ADCY8: variants seen among roughly 807,000 people sequenced by gnomAD.
ADCY8 encodes adenylate cyclase 8.
A neutral mutation model predicts 119.7 loss-of-function variants in ADCY8; 51 were observed. The observed-to-expected ratio is 0.43, with a 90% CI of 0.34 to 0.54. The LOEUF (loss-of-function observed/expected upper bound fraction) is 0.54. Among genes scored for constraint, ADCY8 ranks in the 20% least tolerant of loss-of-function variants. The probability of loss-of-function intolerance (pLI) is 0.03; values close to 1 mark genes in which losing one functional copy is unlikely to be tolerated. For missense variants in ADCY8, 1,383 were observed against 1,598.8 expected, an observed-to-expected ratio of 0.87 and a Z score of 2.30; for synonymous variants, 665 against 651.0, an observed-to-expected ratio of 1.02 and a Z score of -0.33.
At chr8:130,806,045 G>C (rs922372318) in intron 14 of ADCY8, among the ~76,000 whole-genome samples, 9 of 152,200 alleles carry the variant, frequency 5.9e-5, no homozygotes, top group African/African-American at 2.2e-4. Flanking sequence ...TCCCCACAGG[G>C]TGGACGGTGT....
intron 1 of ADCY8, among the ~76,000 whole-genome samples, chr8:131,036,965 C>A (rs1350228371): frequency 2.0e-5 from 3 of 152,140 alleles, no homozygotes; most frequent in Non-Finnish European, 4.4e-5. Flanking sequence ...TTTGAGCATT[C>A]CTTATGTGTT....
chr8:131,011,292 A>AT (rs1280851273), intron 1 of ADCY8, among the ~76,000 whole-genome samples: 1 of 152,234 alleles, frequency 6.6e-6, no homozygotes, highest in Non-Finnish European at 1.5e-5. Flanking sequence ...TGCTGTGGAA[A>AT]TAAAGTCTAT....
intron 15 of ADCY8, among the ~76,000 whole-genome samples, chr8:130,789,470 T>C (rs1438714838): frequency 1.3e-5 from 2 of 152,228 alleles, no homozygotes; most frequent in Non-Finnish European, 2.9e-5. Flanking sequence ...ATTGCATGTT[T>C]CCTTGTACCC....
intron 8 of ADCY8, among the ~76,000 whole-genome samples, chr8:130,881,659 T>C (rs7845319): frequency 0.45 from 68,542 of 151,906 alleles, 15,882 homozygotes; most frequent in East Asian, 0.62. Context: ...AATTCTAAGA[T>C]ATATATTCTT....
At chr8:130,940,824 A>G (rs1429835626) in intron 4 of ADCY8, among the ~76,000 whole-genome samples, 1 of 152,200 alleles carries the variant, frequency 6.6e-6, no homozygotes, top group Non-Finnish European at 1.5e-5. Flanking sequence ...GACATTATCA[A>G]AATCTTGGAA....
At chr8:130,788,170 G>A (rs745306152) in intron 15 of ADCY8, among the ~76,000 whole-genome samples, 6 of 151,948 alleles carry the variant, frequency 3.9e-5, no homozygotes, top group East Asian at 1.9e-4. Context: ...CAGTGAACAC[G>A]GGAGTGCAGA....
intron 1 of ADCY8, among the ~76,000 whole-genome samples, chr8:131,029,708 T>C (rs1035668585): frequency 1.3e-5 from 2 of 152,244 alleles, no homozygotes; most frequent in African/African-American, 2.4e-5. Flanking sequence ...TGAATATGTA[T>C]AGCAAAAACT....
intron 5 of ADCY8, among the ~76,000 whole-genome samples, chr8:130,921,449 C>CTTTT (rs35570520): frequency 2.8e-5 from 3 of 107,656 alleles, no homozygotes; most frequent in Non-Finnish European, 3.9e-5. Context: ...TTTTTCTTTT[C>CTTTT]TTTTTTTTTT....
chr8:130,829,873 AC>A (rs1409674049), intron 12 of ADCY8, among the ~76,000 whole-genome samples: 1 of 152,226 alleles, frequency 6.6e-6, no homozygotes, highest in African/African-American at 2.4e-5. Context: ...CAGTTTTACA[AC>A]CCACTGGAAT....
At chr8:130,933,187 G>A (rs977326128) in intron 5 of ADCY8, among the ~76,000 whole-genome samples, 6 of 148,602 alleles carry the variant, frequency 4.0e-5, no homozygotes, top group African/African-American at 1.5e-4. Flanking sequence ...GAAATTTGGG[G>A]ACACCAGTAA....
chr8:130,800,347 G>A (rs961681026), intron 15 of ADCY8, 79 bp downstream of exon 15: 22 of 1,361,836 alleles, frequency 1.6e-5, no homozygotes, highest in African/African-American at 1.5e-4. Context: ...AAAAAAATAA[G>A]TAATTCCTAC....
chr8:130,994,092 A>G (rs766423941), intron 1 of ADCY8, among the ~76,000 whole-genome samples: 1 of 152,240 alleles, frequency 6.6e-6, no homozygotes, highest in Admixed American at 6.5e-5. Flanking sequence ...AGTTTGATCA[A>G]CTTTCATTGT....
At chr8:131,017,298 G>A (rs557781773) in intron 1 of ADCY8, among the ~76,000 whole-genome samples, 1 of 152,124 alleles carries the variant, frequency 6.6e-6, no homozygotes, top group African/African-American at 2.4e-5. Context: ...TCGAACTTTT[G>A]ATCTCAGGTG....
intron 7 of ADCY8, among the ~76,000 whole-genome samples, chr8:130,903,380 A>G (rs982014082): frequency 6.6e-6 from 1 of 151,772 alleles, no homozygotes; most frequent in African/African-American, 2.4e-5. Flanking sequence ...GATGATGGCC[A>G]GCTACCGAAA....
chr8:130,891,426 A>G (rs1361909270), intron 7 of ADCY8, among the ~76,000 whole-genome samples: 1 of 152,130 alleles, frequency 6.6e-6, no homozygotes, highest in Admixed American at 6.6e-5. Context: ...TCTTTTTTTG[A>G]CAGATTATAA....
At chr8:130,993,375 A>T (rs1164593369) in intron 1 of ADCY8, among the ~76,000 whole-genome samples, 1 of 152,224 alleles carries the variant, frequency 6.6e-6, no homozygotes, top group African/African-American at 2.4e-5. Context: ...CTTTTAAAAC[A>T]ATTTTCAGCA....
At chr8:130,809,618 T>A (rs1226436356) in intron 14 of ADCY8, among the ~76,000 whole-genome samples, 5 of 152,282 alleles carry the variant, frequency 3.3e-5, no homozygotes, top group Middle Eastern at 3.4e-3. Context: ...ATTAGAATCA[T>A]ATTACAGTTG....
intron 12 of ADCY8, among the ~76,000 whole-genome samples, chr8:130,834,229 C>A (rs1043114898): frequency 2.0e-5 from 3 of 151,990 alleles, no homozygotes; most frequent in African/African-American, 7.3e-5. Context: ...TGATGAATAA[C>A]CCAACAGAAA....
chr8:130,782,370 A>G (rs1815110367), intron 17 of ADCY8, among the ~76,000 whole-genome samples: 1 of 152,238 alleles, frequency 6.6e-6, no homozygotes, highest in Admixed American at 6.5e-5. Flanking sequence ...TAATAATTTA[A>G]CACCCAGCTT....
Sources: allele counts gnomAD v4.1 joint callset (sites outside exome capture counted in the v4.1 genomes callset), GRCh38; gene constraint gnomAD v4.1.1; transcripts MANE v1.5; gene names NCBI Gene and HGNC (gene_info 2026-07-23, HGNC 2026-07-21).